Variants in SNX29 observed in about 807,000 individuals in gnomAD.
SNX29 encodes the protein sorting nexin 29.
Under a neutral mutation model 102.1 loss-of-function variants are expected in SNX29, and 78 were observed. The ratio of observed to expected loss-of-function variants is 0.76; its 90% CI spans 0.64 to 0.92. The LOEUF (loss-of-function observed/expected upper bound fraction) is 0.92. SNX29 is among the 40% of genes least tolerant of loss of function. The probability of loss-of-function intolerance (pLI) is 0.00; values close to 1 mark genes in which losing one functional copy is unlikely to be tolerated. For synonymous variants in SNX29, 580 were observed against 414.5 expected, an observed-to-expected ratio of 1.40 and a Z score of -4.85; for missense variants, 1,280 against 1,061.7, an observed-to-expected ratio of 1.21 and a Z score of -2.86.
intron 15 of SNX29, among the ~76,000 whole-genome samples, chr16:12,283,083 C>G (rs572830931): frequency 5.9e-5 from 9 of 152,280 alleles, no homozygotes; most frequent in African/African-American, 2.2e-4. Context: ...GGAGGCATAG[C>G]TTGGAGAGCC....
intron 18 of SNX29, among the ~76,000 whole-genome samples, chr16:12,409,021 G>C (rs1232712122): frequency 2.0e-5 from 3 of 152,232 alleles, no homozygotes; most frequent in Non-Finnish European, 2.9e-5. Context: ...CTGAGAGGGA[G>C]CTGAGGTGTG....
rs1007053983 is a variant in SNX29, at chr16:12,572,719, A to T, written c.*4090A>T. 4 of 1,063,878 alleles carry T rather than the reference A, an allele frequency of 3.8e-6. No homozygotes were observed. Among genetic ancestry groups the T allele is most frequent in the Non-Finnish European group, 4.6e-6 (4 of 878,480 alleles). 65.9% of individuals were successfully genotyped at this position (1,063,878 alleles called of 1,614,324 possible). On this transcript the variant is annotated 3_prime_UTR_variant, in exon 21 of 21. Transcript: ENST00000566228. ...CAGCAGCATCTTCCAGCCTTGGCAC[A>T]GAACTGATGGCAAAGGAAGGGCTGG...
chr16:12,430,773 A>G (rs1418076002), intron 18 of SNX29, among the ~76,000 whole-genome samples: 1 of 152,084 alleles, frequency 6.6e-6, no homozygotes, highest in African/African-American at 2.4e-5. Context: ...CGGTGGGAGA[A>G]TAAAGAGAGA....
chr16:12,169,632 G>T (rs2076098569), intron 13 of SNX29, among the ~76,000 whole-genome samples: 1 of 152,196 alleles, frequency 6.6e-6, no homozygotes, highest in Non-Finnish European at 1.5e-5. Context: ...GGCCAAGATG[G>T]GTGGATCACC....
At chr16:12,385,308 T>C (rs2083305052) in intron 16 of SNX29, among the ~76,000 whole-genome samples, 1 of 152,302 alleles carries the variant, frequency 6.6e-6, no homozygotes, top group South Asian at 2.1e-4. Context: ...TGGGGACTTG[T>C]GGAAGGAAAG....
intron 3 of SNX29, among the ~76,000 whole-genome samples, chr16:12,025,147 C>G (rs1295847889): frequency 1.3e-5 from 2 of 151,816 alleles, no homozygotes; most frequent in East Asian, 1.9e-4. Context: ...ACTAAAAATA[C>G]AAACATTAGC....
At chr16:12,140,298 C>G (rs1260301391) in intron 13 of SNX29, among the ~76,000 whole-genome samples, 1 of 152,254 alleles carries the variant, frequency 6.6e-6, no homozygotes, top group Non-Finnish European at 1.5e-5. Flanking sequence ...ATCAGTTTAA[C>G]AATGCCAGTG....
At chr16:12,223,419 T>G (rs994201669) in intron 14 of SNX29, among the ~76,000 whole-genome samples, 2 of 152,140 alleles carry the variant, frequency 1.3e-5, no homozygotes, top group African/African-American at 4.8e-5. Context: ...CCCAGCACTT[T>G]GGGAGGCTGA....
chr16:12,501,553 C>G (rs1457288507), intron 19 of SNX29, among the ~76,000 whole-genome samples: 1 of 151,874 alleles, frequency 6.6e-6, no homozygotes, highest in African/African-American at 2.4e-5. Context: ...GAAACGTCAT[C>G]TCTACTAAAA....
intron 5 of SNX29, among the ~76,000 whole-genome samples, chr16:12,044,183 C>T (rs1409364240): frequency 3.9e-5 from 6 of 152,202 alleles, no homozygotes; most frequent in Admixed American, 2.0e-4. Context: ...ACGCCCAGAT[C>T]GTCAACAGTG....
At position 12,572,030 on chromosome 16, in the gene SNX29, T is replaced by A. The variant is rs1438824080; in HGVS notation, c.*3401T>A. On this transcript the variant is annotated 3_prime_UTR_variant, in exon 21 of 21. Coordinates refer to ENST00000566228, the MANE Select transcript of SNX29 (RefSeq NM_032167.5). ...AGGGAGCTGCTGGCTATAAAAGGGATCATCCAGTGGAGTTGTAAACAAGGG... is the reference window on the plus strand; with the variant it reads ...AGGGAGCTGCTGGCTATAAAAGGGAACATCCAGTGGAGTTGTAAACAAGGG... 1.9e-6 allele frequency: 2 copies of A among 1,063,008 alleles called. No homozygotes were observed. The highest frequency in any genetic ancestry group is 5.0e-5 in the East Asian group (1 of 19,838). The allele number at this position is 1,063,008 out of a possible 1,614,324, so 65.8% of individuals were successfully genotyped here.
chr16:12,126,550 A>C, intron 11 of SNX29, 83 bp from the exon 12 acceptor site: 4 of 1,400,306 alleles, frequency 2.9e-6, no homozygotes, highest in Non-Finnish European at 4.0e-6. Flanking sequence ...GTCATCCTTA[A>C]TAGCATATAA....
intron 15 of SNX29, among the ~76,000 whole-genome samples, chr16:12,339,982 G>A (rs1266095083): frequency 6.6e-6 from 1 of 152,182 alleles, no homozygotes; most frequent in Admixed American, 6.5e-5. Flanking sequence ...AAAAAAGAGG[G>A]GAATTCATCT....
chr16:12,523,534 G>A (rs868852145), intron 19 of SNX29, among the ~76,000 whole-genome samples: 1 of 152,364 alleles, frequency 6.6e-6, no homozygotes, highest in Middle Eastern at 3.4e-3. Flanking sequence ...ACACGGAGCA[G>A]GATTGGCTAT....
rs369314940 is a variant in SNX29 at position 12,167,837 on chromosome 16, A to T, written c.1596-31764A>T. Among the ~76,000 whole-genome samples, 162 of 152,294 alleles carry T rather than the reference A, an allele frequency of 1.1e-3. 2 individuals are homozygous for T. The Middle Eastern group carries it at 0.02, about 19-fold the overall frequency. ...CAGGGCCACCGTTTATTTCGTGAATAAGGTGTTATTGTAACCCATTTGTTT... is the reference window on the plus strand; with the variant it reads ...CAGGGCCACCGTTTATTTCGTGAATTAGGTGTTATTGTAACCCATTTGTTT... On this transcript the variant is annotated intron_variant, in intron 13 of 20. Transcript: ENST00000566228.
At chr16:12,010,023 G>T (rs1325404102) in intron 3 of SNX29, among the ~76,000 whole-genome samples, 1 of 152,228 alleles carries the variant, frequency 6.6e-6, no homozygotes, top group Non-Finnish European at 1.5e-5. Flanking sequence ...GGGTTTGCCA[G>T]TTCTGGGTTG....
chr16:12,339,679 A>G (rs200790659), intron 15 of SNX29, among the ~76,000 whole-genome samples: 29 of 152,208 alleles, frequency 1.9e-4, no homozygotes, highest in East Asian at 9.6e-4. Context: ...GGCTTTCTCT[A>G]TATGTGATGG....
intron 14 of SNX29, among the ~76,000 whole-genome samples, chr16:12,272,962 C>T (rs1437359181): frequency 6.6e-6 from 1 of 152,198 alleles, no homozygotes; most frequent in Non-Finnish European, 1.5e-5. Flanking sequence ...CTGGCACAGT[C>T]ATATCATCAT....
chr16:12,217,603 C>A (rs566870843), intron 14 of SNX29, among the ~76,000 whole-genome samples: 1 of 152,238 alleles, frequency 6.6e-6, no homozygotes, highest in South Asian at 2.1e-4. Flanking sequence ...CAGGATTGAT[C>A]CTTCTCTTAA....
Sources: gnomAD v4.1 joint callset for allele counts (sites outside exome capture counted in the v4.1 genomes callset) on GRCh38, gnomAD v4.1.1 for gene constraint, MANE v1.5 for transcripts, NCBI Gene and HGNC (gene_info 2026-07-23, HGNC 2026-07-21) for gene names.